FLT1: variants seen among roughly 807,000 people sequenced by gnomAD.
FLT1 encodes the protein fms related receptor tyrosine kinase 1, also known as vascular endothelial growth factor receptor 1.
A neutral mutation model predicts 156.3 loss-of-function variants in FLT1; 49 were observed. That is an observed-to-expected ratio of 0.31 (90% CI 0.25 to 0.40). The LOEUF (loss-of-function observed/expected upper bound fraction) is 0.40, where lower values mean the gene tolerates loss of function less well. Ranked by LOEUF, FLT1 falls within the 10% of genes least tolerant of loss-of-function variation. FLT1 has a pLI of 1.00. For synonymous variants in FLT1, 594 were observed against 583.8 expected, an observed-to-expected ratio of 1.02 and a Z score of -0.25; for missense variants, 1,322 against 1,637.2, an observed-to-expected ratio of 0.81 and a Z score of 3.32.
At chr13:28,371,601 A>C (rs1288485219) in intron 14 of FLT1, among the ~76,000 whole-genome samples, 1 of 152,218 alleles carries the variant, frequency 6.6e-6, no homozygotes, top group Non-Finnish European at 1.5e-5. Context: ...ATAGTGATGA[A>C]GCTGTGAAGT....
intron 10 of FLT1, among the ~76,000 whole-genome samples, chr13:28,410,757 A>G (rs117035361): frequency 2.8e-4 from 42 of 152,352 alleles, no homozygotes; most frequent in Admixed American, 1.0e-3. Context: ...CAGTCACCCT[A>G]TGAAGCAAGC....
rs372529662 is a variant in FLT1, at chr13:28,303,230, G to A, written c.3954C>T (p.Ile1318=). The A allele has an allele frequency of 3.0e-5, 48 of 1,613,548 alleles. No homozygotes were observed. Among genetic ancestry groups the A allele is most frequent in the East Asian group, 4.5e-5 (2 of 44,864 alleles). ...TYDHAELERK[I]ACCSPPPDYN... is the part of the protein sequence containing the mutation. Reference sequence around the variant, plus strand: ...AGTCTGGGGGCGGGGAGCAGCACGCGATTTTCCTTTCCAGCTCAGCGTGGT... The same window carrying A: ...AGTCTGGGGGCGGGGAGCAGCACGCAATTTTCCTTTCCAGCTCAGCGTGGT... The change falls in exon 30 of 30, where the codon ATC becomes ATT. Residue 1318 remains isoleucine (I), a synonymous_variant. Transcript: ENST00000282397.
intron 13 of FLT1, chr13:28,386,552 C>T (rs1003291771): frequency 1.9e-6 from 2 of 1,054,190 alleles, no homozygotes; most frequent in African/African-American, 1.6e-5. Flanking sequence ...TCTTTTGCCT[C>T]TTTGAGCATG....
At chr13:28,466,324 C>T (rs1004611125) in intron 3 of FLT1, among the ~76,000 whole-genome samples, 1 of 152,024 alleles carries the variant, frequency 6.6e-6, no homozygotes, top group African/African-American at 2.4e-5. Flanking sequence ...AAAAATGAAT[C>T]AAACATGATT....
At chr13:28,383,534 G>T (rs1330402011) in intron 14 of FLT1, among the ~76,000 whole-genome samples, 3 of 152,058 alleles carry the variant, frequency 2.0e-5, no homozygotes, top group African/African-American at 4.8e-5. Flanking sequence ...GTGGTGGCGG[G>T]CACCTGTAGT....
At chr13:28,404,688 C>T (rs1875671562) in intron 11 of FLT1, among the ~76,000 whole-genome samples, 1 of 152,104 alleles carries the variant, frequency 6.6e-6, no homozygotes, top group African/African-American at 2.4e-5. Context: ...TGTAAACAGA[C>T]ATGTCAGCAA....
intron 15 of FLT1, among the ~76,000 whole-genome samples, chr13:28,348,587 C>G (rs924900531): frequency 4.6e-5 from 7 of 151,788 alleles, no homozygotes; most frequent in African/African-American, 1.7e-4. Context: ...TTTGCTTTAC[C>G]TACCTCTAAA....
Position 28,321,383 on chromosome 13 carries a change from G to A in FLT1, c.3174+80C>T, listed in dbSNP as rs563691117. The A allele has an allele frequency of 7.2e-5, 109 of 1,511,634 alleles. No individual in the cohort carries two copies. The African/African-American group carries it at 1.4e-3, about 19-fold the overall frequency. The allele number at this position is 1,511,634 out of a possible 1,614,324, so 93.6% of individuals were successfully genotyped here. A position where few individuals can be genotyped will look rare whatever the true frequency, so the allele number is the denominator to read the frequency against. On this transcript the variant is annotated intron_variant, in intron 23 of 29. Coordinates refer to ENST00000282397, the MANE Select transcript of FLT1 (RefSeq NM_002019.4). ...GATGGTTTTCAGGGACTACAGCTGA[G>A]GAAGTGTAAATATTTACCAAGTCTG...
intron 1 of FLT1, among the ~76,000 whole-genome samples, chr13:28,473,835 A>AAAGAAAGG (rs1880385825): frequency 1.7e-4 from 20 of 118,876 alleles, no homozygotes; most frequent in East Asian, 4.2e-4. Context: ...AGAAAGAAAG[A>AAAGAAAGG]AAGGAAGAAA....
rs1044574594 is a variant in FLT1 at position 28,317,486 on chromosome 13, C to T, written c.3386+12G>A. 1 of 1,581,206 alleles carries T rather than the reference C, an allele frequency of 6.3e-7. No homozygotes were observed. The highest frequency in any genetic ancestry group is 1.7e-5 in the Admixed American group (1 of 59,978). The stretch of plus-strand genomic sequence containing the variant: ...GCTGTCAGATGGGGAGCAGAGGGCA[C>T]CAAGGGCTCACATTTCAGGAGTAGA... On this transcript the variant is annotated intron_variant, in intron 25 of 29. Coordinates refer to ENST00000282397, the MANE Select transcript of FLT1 (RefSeq NM_002019.4).
chr13:28,368,179 G>GT, intron 14 of FLT1: 1 of 451,666 alleles, frequency 2.2e-6, no homozygotes, highest in Non-Finnish European at 3.0e-6. Context: ...TTGAGACGGA[G>GT]TTTCGCTCTT....
intron 1 of FLT1, among the ~76,000 whole-genome samples, chr13:28,487,253 T>A (rs1395629416): frequency 6.6e-6 from 1 of 150,650 alleles, no homozygotes; most frequent in Non-Finnish European, 1.5e-5. Flanking sequence ...ACCACGGCCC[T>A]AGAGAGAGGC....
At chr13:28,431,354 A>T in intron 6 of FLT1, 44 bp from the exon 7 acceptor site, 1 of 1,371,484 alleles carries the variant, frequency 7.3e-7, no homozygotes, top group South Asian at 1.2e-5. Context: ...GTGAGTGTTC[A>T]TGCTTAAAGT....
intron 15 of FLT1, among the ~76,000 whole-genome samples, chr13:28,353,801 G>A (rs1469441292): frequency 2.0e-5 from 3 of 152,076 alleles, no homozygotes; most frequent in Non-Finnish European, 4.4e-5. Context: ...GCTGGCACTA[G>A]GTCCAAACCA....
chr13:28,316,640 T>A (rs1411502019), intron 25 of FLT1, among the ~76,000 whole-genome samples: 3 of 127,654 alleles, frequency 2.4e-5, no homozygotes, highest in Non-Finnish European at 5.2e-5. Flanking sequence ...AAAAGGTTCT[T>A]TTTTTTTTTT....
chr13:28,336,307 G>C (rs1200708409), intron 17 of FLT1, among the ~76,000 whole-genome samples: 1 of 152,210 alleles, frequency 6.6e-6, no homozygotes, highest in Non-Finnish European at 1.5e-5. Context: ...GCATGAAGCT[G>C]TTATGGGCTC....
chr13:28,469,745 T>A (rs115170388), intron 1 of FLT1, among the ~76,000 whole-genome samples: 304 of 152,328 alleles, frequency 2.0e-3, no homozygotes, highest in African/African-American at 6.7e-3. Flanking sequence ...TAATATCTTT[T>A]AAATTTTTAT....
Position 28,363,354 on chromosome 13 carries a change from T to C in FLT1, c.2117-5669A>G, listed in dbSNP as rs573225103. On this transcript the variant is annotated intron_variant, in intron 14 of 29. Transcript: ENST00000282397. ...GCTTTAGGCAGACCCATTTCTGTCT[T>C]TAATATGAAATGAGATTTATAGATA... Among the ~76,000 whole-genome samples the C allele has an allele frequency of 2.0e-5, 3 of 152,322 alleles. No homozygotes were observed. The East Asian group carries it at 5.8e-4, about 29-fold the overall frequency.
In FLT1 at chr13:28,368,680, T is replaced by C. The variant is rs545969657; in HGVS notation, c.2117-10995A>G. 21 of 807,760 alleles carry C rather than the reference T, an allele frequency of 2.6e-5. No individual in the cohort carries two copies. The South Asian group carries it at 3.1e-4, about 12-fold the overall frequency. 50.0% of individuals were successfully genotyped at this position (807,760 alleles called of 1,614,324 possible). On this transcript the variant is annotated intron_variant, in intron 14 of 29. Coordinates refer to ENST00000282397, the MANE Select transcript of FLT1 (RefSeq NM_002019.4). ...TATACAGTTCTAGGTACACAGTAAA[T>C]AATCATATCTTTAGATTGGCAGCTT...
Sources: allele counts gnomAD v4.1 joint callset (sites outside exome capture counted in the v4.1 genomes callset), GRCh38; gene constraint gnomAD v4.1.1; transcripts MANE v1.5; gene names NCBI Gene and HGNC (gene_info 2026-07-23, HGNC 2026-07-21).